Variants in TCN2 observed in about 807,000 individuals in gnomAD.
TCN2 encodes the protein transcobalamin 2, also known as transcobalamin-2.
A neutral mutation model predicts 48.6 loss-of-function variants in TCN2; 34 were observed. The observed-to-expected ratio is 0.70, with a 90% CI of 0.53 to 0.93. The LOEUF (loss-of-function observed/expected upper bound fraction) is 0.93, where lower values mean the gene tolerates loss of function less well. Ranked by LOEUF, TCN2 falls within the 40% of genes least tolerant of loss-of-function variation. The pLI, the probability that TCN2 is intolerant of heterozygous loss-of-function variation, is 0.00. For synonymous variants in TCN2, 283 were observed against 212.5 expected (o/e 1.33, Z -2.89); for missense variants, 652 against 526.1 (o/e 1.24, Z -2.34).
intron 3 of TCN2, 39 bp from the exon 4 acceptor site, chr22:30,614,310 G>A (rs201925792): frequency 6.2e-7 from 1 of 1,605,552 alleles, no homozygotes; most frequent in Admixed American, 1.7e-5. Context: ...CTGCTGGGTG[G>A]GGGCAGAGAG....
At chr22:30,616,669 T>C (rs1047759618) in intron 6 of TCN2, among the ~76,000 whole-genome samples, 3 of 151,718 alleles carry the variant, frequency 2.0e-5, no homozygotes, top group African/African-American at 7.3e-5. Flanking sequence ...GGCATGGTGG[T>C]AGACACCTAT....
At chr22:30,616,556 T>C (rs924855676) in intron 6 of TCN2, among the ~76,000 whole-genome samples, 7 of 150,328 alleles carry the variant, frequency 4.7e-5, no homozygotes, top group African/African-American at 1.7e-4. Flanking sequence ...ATCCTAGCAC[T>C]CTGGGAAGCT....
intron 8 of TCN2, among the ~76,000 whole-genome samples, chr22:30,623,789 C>CACAT (rs1569046409): frequency 3.5e-4 from 2 of 5,652 alleles, no homozygotes; most frequent in African/African-American, 3.2e-3. Flanking sequence ...TATATGTATA[C>CACAT]ATATATACAC....
At chr22:30,623,877 C>CATATATGTATACAT (rs2087750339) in intron 8 of TCN2, among the ~76,000 whole-genome samples, 3 of 68,002 alleles carry the variant, frequency 4.4e-5, no homozygotes, top group Non-Finnish European at 7.4e-5. Flanking sequence ...TATATACACA[C>CATATATGTATACAT]ATATATACAC....
intron 8 of TCN2, among the ~76,000 whole-genome samples, chr22:30,624,688 C>T (rs950966785): frequency 6.6e-6 from 1 of 152,108 alleles, no homozygotes; most frequent in Admixed American, 6.5e-5. Flanking sequence ...GCAGTTGTAG[C>T]CTCTATCTCC....
chr22:30,621,492 T>A lies in TCN2; in HGVS notation c.1107-1476T>A, dbSNP rs540011882. Among the ~76,000 whole-genome samples the A allele has an allele frequency of 5.9e-5, 9 of 152,164 alleles. 1 individual carries two copies. In the South Asian group the frequency reaches 1.0e-3, roughly 18 times the overall value. Reference sequence around the variant, plus strand: ...GTTGTTTTTTGTTTGTTTGCTTGGTTTTGTTTTTGAGAAGCAGTCTTGCTC... The same window carrying A: ...GTTGTTTTTTGTTTGTTTGCTTGGTATTGTTTTTGAGAAGCAGTCTTGCTC... On this transcript the variant is annotated intron_variant, in intron 7 of 8. Coordinates refer to ENST00000215838, the MANE Select transcript of TCN2 (RefSeq NM_000355.4).
chr22:30,622,857 G>A (rs1253941670), intron 7 of TCN2, 111 bp from the exon 8 acceptor site: 3 of 1,134,932 alleles, frequency 2.6e-6, no homozygotes, highest in East Asian at 2.4e-5. Flanking sequence ...GGTTTGACGA[G>A]TGTCGGCCCA....
intron 7 of TCN2, among the ~76,000 whole-genome samples, chr22:30,621,891 G>A (rs2087705755): frequency 6.6e-6 from 1 of 152,172 alleles, no homozygotes; most frequent in South Asian, 2.1e-4. Flanking sequence ...TTCTCCTCTG[G>A]CAAATCCCAC....
rs564065214 is a variant in TCN2 at position 30,626,600 on chromosome 22, A to G, written c.*79A>G. 2.0e-6 allele frequency: 3 copies of G among 1,506,608 alleles called. No homozygotes were observed. In the Admixed American group the frequency reaches 5.2e-5, roughly 26 times the overall value. 93.3% of individuals were successfully genotyped at this position (1,506,608 alleles called of 1,614,324 possible). A position where few individuals can be genotyped will look rare whatever the true frequency, so the allele number is the denominator to read the frequency against. ...CCCTCCTGATGTCCCTGGAACAGGA[A>G]CTCGCCTGACCCTGCTGCCACCTCC... On this transcript the variant is annotated 3_prime_UTR_variant, in exon 9 of 9. Transcript: ENST00000215838.
At chr22:30,614,195 A>T (rs1317948316) in intron 3 of TCN2, among the ~76,000 whole-genome samples, 154 bp from the exon 4 acceptor site, 1 of 152,138 alleles carries the variant, frequency 6.6e-6, no homozygotes, top group East Asian at 1.9e-4. Flanking sequence ...ACACAGTGAG[A>T]CCTCAGCACG....
rs764388822 is a variant in TCN2, at chr22:30,623,124, A to G, written c.1222+41A>G. ...ACACTCTGGATGTGTCCCCTACCCC[A>G]AGCTTACTCAGCCAAGAGGCTTCAT... On this transcript the variant is annotated intron_variant, in intron 8 of 8. Coordinates refer to ENST00000215838, the MANE Select transcript of TCN2 (RefSeq NM_000355.4). The G allele has an allele frequency of 4.4e-6, 7 of 1,604,786 alleles. No individual in the cohort carries two copies. In the African/African-American group the frequency reaches 9.4e-5, roughly 22 times the overall value.
chr22:30,614,670 G>A (rs932778741), intron 4 of TCN2, among the ~76,000 whole-genome samples, 169 bp downstream of exon 4: 5 of 152,210 alleles, frequency 3.3e-5, no homozygotes, highest in African/African-American at 1.2e-4. Context: ...CTTCAGCTGT[G>A]AGCCAGCTTT....
chr22:30,623,733 TAC>T (rs1227979631), intron 8 of TCN2, among the ~76,000 whole-genome samples: 3 of 109,310 alleles, frequency 2.7e-5, no homozygotes, highest in Admixed American at 2.0e-4. Flanking sequence ...TATATATGTA[TAC>T]ATATATATAC....
At chr22:30,615,847 C>T in intron 6 of TCN2, 60 bp downstream of exon 6, 2 of 1,600,518 alleles carry the variant, frequency 1.2e-6, no homozygotes, top group Non-Finnish European at 1.7e-6. Flanking sequence ...CCATTGACGT[C>T]CCAGTGAGGG....
chr22:30,611,184 T>C (rs1198958807), intron 2 of TCN2, 121 bp downstream of exon 2: 7 of 1,192,234 alleles, frequency 5.9e-6, no homozygotes, highest in Non-Finnish European at 8.7e-6. Flanking sequence ...TCTCCATCTA[T>C]AGAATGGAGG....
At chr22:30,626,399 G>A (rs1187075624) in intron 8 of TCN2, 61 bp from the exon 9 acceptor site, 41 of 1,566,270 alleles carry the variant, frequency 2.6e-5, no homozygotes, top group Admixed American at 2.2e-4. Context: ...TCTGGAAGAT[G>A]AGGTTGCGGG....
At chr22:30,626,329 C>T in intron 8 of TCN2, 131 bp from the exon 9 acceptor site, 1 of 960,372 alleles carries the variant, frequency 1.0e-6, no homozygotes, top group African/African-American at 1.6e-5. Flanking sequence ...AGGGAGGTTC[C>T]AGCTTCCCAC....
At chr22:30,616,159 C>G (rs138674604) in intron 6 of TCN2, among the ~76,000 whole-genome samples, 281 of 152,204 alleles carry the variant, frequency 1.8e-3, no homozygotes, top group African/African-American at 6.2e-3. Flanking sequence ...GAGAGAGGGT[C>G]TGAGGACGTG....
At position 30,612,940 on chromosome 22, in the gene TCN2, C is replaced by T. The variant is rs1411013112; in HGVS notation, c.325C>T (p.Leu109=). The change falls in exon 3 of 9, where the codon CTG becomes TTG. Residue 109 remains leucine, a synonymous_variant. Coordinates refer to ENST00000215838, the MANE Select transcript of TCN2 (RefSeq NM_000355.4). ...TTCCATGGGCCAGCTGGCCCTCTAC[C>T]TGCTCGCTCTCAGAGCCAACTGTGA... ...KPSMGQLALY[L]LALRANCEFV... 11 of 1,614,094 alleles carry T rather than the reference C, an allele frequency of 6.8e-6. No individual in the cohort carries two copies. Among genetic ancestry groups the T allele is most frequent in the Non-Finnish European group, 8.5e-6 (10 of 1,180,048 alleles).
Sources: allele counts gnomAD v4.1 joint callset (sites outside exome capture counted in the v4.1 genomes callset), GRCh38; gene constraint gnomAD v4.1.1; transcripts MANE v1.5; gene names NCBI Gene and HGNC (gene_info 2026-07-23, HGNC 2026-07-21).